Variants in RADIL observed in about 807,000 individuals in gnomAD.
The protein encoded by RADIL is ras-associating and dilute domain-containing protein.
RADIL carries 99 observed loss-of-function variants against 97.6 expected under a neutral mutation model. That is an observed-to-expected ratio of 1.01 (90% CI 0.86 to 1.20). RADIL has a LOEUF of 1.20. RADIL is among the 50% of genes most tolerant of loss of function. The pLI is 0.00. For synonymous variants in RADIL, 803 were observed against 691.8 expected, an observed-to-expected ratio of 1.16 and a Z score of -2.52; for missense variants, 1,765 against 1,498.9, an observed-to-expected ratio of 1.18 and a Z score of -2.93.
At chr7:4,802,891 C>T (rs1562425705) in intron 11 of RADIL, among the ~76,000 whole-genome samples, 8 of 121,360 alleles carry the variant, frequency 6.6e-5, no homozygotes, top group East Asian at 5.1e-4. Flanking sequence ...GGCTGGGGGG[C>T]CCCCTCCCCG....
chr7:4,834,975 A>G lies in RADIL; in HGVS notation c.1048T>C (p.Tyr350His), dbSNP rs569253197. 5 of 1,610,336 alleles carry G rather than the reference A, an allele frequency of 3.1e-6. No individual in the cohort carries two copies. The East Asian group carries it at 8.9e-5, about 29-fold the overall frequency. ...HHGDLLSLGL[Y>H]YLLLFKDPAQ... The stretch of plus-strand genomic sequence containing the variant: ...GGGTCCTTGAATAGCAGCAGGTAGT[A>G]GAGCCCCAGGGAGAGCAGGTCCCCG... Residue 350 changes from tyrosine to histidine, a missense_variant, in exon 4 of 15, where the codon TAC (tyrosine) becomes CAC (histidine). Transcript: ENST00000399583. This position sits in a 1 kb window ranked among gnomAD's most constrained non-coding sequence, Gnocchi z 6.0.
rs1291198095 is a variant in RADIL at position 4,814,418 on chromosome 7, A to G, written c.2139+860T>C. 1.3e-5 allele frequency among the ~76,000 whole-genome samples: 2 copies of G among 152,060 alleles called. No individual in the cohort carries two copies. The highest frequency in any genetic ancestry group is 4.8e-5 in the African/African-American group (2 of 41,388). ...ACTGCAACCTCTGCCTCGCGGGTTC[A>G]AGCGATTCGCCCTGTGGCCACTGTC... On this transcript the variant is annotated intron_variant, in intron 9 of 14. Transcript: ENST00000399583. The surrounding 1 kb of genome is among the most constrained non-coding windows in gnomAD (Gnocchi z 4.5).
chr7:4,878,752 A>C lies in RADIL; in HGVS notation c.-64-549T>G, dbSNP rs898302189. ...TCCGCTGCAGGGCTTGGATTTCTGG[A>C]AAGTGCTGGGCGCAGCGCCCGTGTG... On this transcript the variant is annotated intron_variant, in intron 1 of 14. Coordinates refer to ENST00000399583, the MANE Select transcript of RADIL (RefSeq NM_018059.5). This position sits in a 1 kb window ranked among gnomAD's most constrained non-coding sequence, Gnocchi z 4.1. 6.6e-6 allele frequency among the ~76,000 whole-genome samples: 1 copy of C among 152,234 alleles called. No homozygotes were observed. Among genetic ancestry groups the C allele is most frequent in the African/African-American group, 2.4e-5 (1 of 41,470 alleles).
intron 2 of RADIL, among the ~76,000 whole-genome samples, chr7:4,857,317 CTTTTA>C (rs1254611075): frequency 6.6e-5 from 10 of 151,982 alleles, no homozygotes; most frequent in Non-Finnish European, 1.3e-4. Context: ...TTTTTCCATT[CTTTTA>C]TTTTGGTTGT....
chr7:4,801,323 C>T (rs1782076572), intron 12 of RADIL, among the ~76,000 whole-genome samples: 2 of 152,338 alleles, frequency 1.3e-5, no homozygotes, highest in South Asian at 4.1e-4. Context: ...CCCTGGGTTC[C>T]CCCTCAGCAC....
intron 14 of RADIL, 64 bp from the exon 15 acceptor site, chr7:4,799,547 C>T: frequency 6.2e-7 from 1 of 1,611,926 alleles, no homozygotes; most frequent in Admixed American, 1.7e-5. Flanking sequence ...CAGGGTGCAG[C>T]CGGGCCTCTC....
intron 9 of RADIL, chr7:4,809,071 C>T (rs1156252972): frequency 1.0e-6 from 1 of 979,084 alleles, no homozygotes; most frequent in Non-Finnish European, 1.2e-6. Flanking sequence ...GCCACTGCCC[C>T]TCCGCGTCTC....
rs912002950 is a variant in RADIL, at chr7:4,821,876, C to T, written c.1615+518G>A. Among the ~76,000 whole-genome samples, 8 of 152,016 alleles carry T rather than the reference C, an allele frequency of 5.3e-5. No homozygotes were observed. The highest frequency in any genetic ancestry group is 1.7e-4 in the African/African-American group (7 of 41,392). ...GTCTCAAAAAAAGAAAAAGAAATCC[C>T]GAAATGTGTATTTCCCACATCTTAA... On this transcript the variant is annotated intron_variant, in intron 6 of 14. Transcript: ENST00000399583. The surrounding 1 kb of genome is among the most constrained non-coding windows in gnomAD (Gnocchi z 5.2).
chr7:4,836,380 A>G lies in RADIL; in HGVS notation c.761T>C (p.Leu254Pro). The G allele has an allele frequency of 6.4e-7, 1 of 1,574,248 alleles. No homozygotes were observed. Among genetic ancestry groups the G allele is most frequent in the African/African-American group, 1.3e-5 (1 of 74,222 alleles). ...CACGTGCTGCTGGCTGTAGCCCTGC[A>G]GAAGGAGCAGATGCGGGGACTGGTA... ...SLYQSPHLLL[L>P]QGYSQQHDSL... Residue 254 changes from leucine (L) to proline (P), a missense_variant, in exon 3 of 15, where the codon CTG (leucine) becomes CCG (proline). Physicochemically the swap from Leu to Pro is moderately conservative, Grantham distance 98. Transcript: ENST00000399583.
chr7:4,861,897 G>C, intron 2 of RADIL: 1 of 951,274 alleles, frequency 1.1e-6, no homozygotes, highest in Non-Finnish European at 1.5e-6. Flanking sequence ...TGAGGCGGAA[G>C]GGCAGGGCTT....
chr7:4,807,618 C>T (rs1327584143), intron 9 of RADIL, among the ~76,000 whole-genome samples: 1 of 74,884 alleles, frequency 1.3e-5, no homozygotes, highest in Admixed American at 1.3e-4. Flanking sequence ...CTTCTCTCTC[C>T]CCCCGTCTCC....
chr7:4,870,608 A>T (rs1217038694), intron 2 of RADIL, among the ~76,000 whole-genome samples: 1 of 151,914 alleles, frequency 6.6e-6, no homozygotes, highest in Non-Finnish European at 1.5e-5. Context: ...TGCCTGGCTA[A>T]TTTTTTTATA....
intron 2 of RADIL, chr7:4,860,314 A>G (rs768599540): frequency 5.0e-6 from 8 of 1,613,918 alleles, no homozygotes; most frequent in Non-Finnish European, 6.8e-6. Flanking sequence ...GCACATGATG[A>G]GGCAGCAGCT....
intron 2 of RADIL, among the ~76,000 whole-genome samples, chr7:4,856,024 G>T (rs527995609): frequency 6.6e-6 from 1 of 151,992 alleles, no homozygotes; most frequent in African/African-American, 2.4e-5. Context: ...GGCCAGGCTG[G>T]AATCAAACTC....
Position 4,823,092 on chromosome 7 carries a change from G to A in RADIL, c.1455-538C>T, listed in dbSNP as rs185999984. Among the ~76,000 whole-genome samples, 378 of 152,240 alleles carry A rather than the reference G, an allele frequency of 2.5e-3. 15 individuals are homozygous for A. The highest frequency in any genetic ancestry group is 9.3e-3 in the South Asian group (45 of 4,824). On this transcript the variant is annotated intron_variant, in intron 5 of 14. Transcript: ENST00000399583. ...TTAAAGCAGGAAGTCAGAAAATCAC[G>A]TGTAAAGTCCATGAATCGCGGGGTA...
chr7:4,819,601 G>C lies in RADIL; in HGVS notation c.1616-2250C>G, dbSNP rs1296941373. Among the ~76,000 whole-genome samples the C allele has an allele frequency of 1.3e-5, 2 of 152,192 alleles. No homozygotes were observed. Among genetic ancestry groups the C allele is most frequent in the African/African-American group, 2.4e-5 (1 of 41,444 alleles). ...CGCACACGATGGTGTGAGGCGGCGC[G>C]GGAGGGGCCTGGGTCAGAGCTTTGT... On this transcript the variant is annotated intron_variant, in intron 6 of 14. Coordinates refer to ENST00000399583, the MANE Select transcript of RADIL (RefSeq NM_018059.5). This position sits in a 1 kb window ranked among gnomAD's most constrained non-coding sequence, Gnocchi z 5.8.
intron 2 of RADIL, among the ~76,000 whole-genome samples, chr7:4,846,232 C>T (rs1304633086): frequency 4.6e-5 from 7 of 151,822 alleles, no homozygotes; most frequent in South Asian, 2.1e-4. Flanking sequence ...CTGCAACCTC[C>T]GACTCCCTGG....
intron 2 of RADIL, chr7:4,861,726 G>A (rs761559548): frequency 6.3e-5 from 97 of 1,537,474 alleles, no homozygotes; most frequent in Non-Finnish European, 8.2e-5. Flanking sequence ...GGGACCGCTA[G>A]ACTGATAGGC....
intron 5 of RADIL, among the ~76,000 whole-genome samples, chr7:4,827,445 A>C (rs1484203567): frequency 1.3e-5 from 2 of 151,620 alleles, no homozygotes; most frequent in Non-Finnish European, 2.9e-5. Context: ...GGGTCACCAG[A>C]GGTCAGGCGA....
Sources: gnomAD v4.1 joint callset for allele counts (sites outside exome capture counted in the v4.1 genomes callset) on GRCh38, gnomAD v4.1.1 for gene constraint, Gnocchi (gnomAD v3.1) non-coding constraint, MANE v1.5 for transcripts, NCBI Gene and HGNC (gene_info 2026-07-23, HGNC 2026-07-21) for gene names.